The following LRRC7 variants were observed in gnomAD, a reference collection of about 807,000 sequenced individuals.
The protein encoded by LRRC7 is leucine rich repeat containing 7.
A neutral mutation model predicts 175.7 loss-of-function variants in LRRC7; 23 were observed. That is an observed-to-expected ratio of 0.13 (90% CI 0.09 to 0.19). The LOEUF (loss-of-function observed/expected upper bound fraction) is 0.19, where lower values mean the gene tolerates loss of function less well. Among genes scored for constraint, LRRC7 ranks in the 10% least tolerant of loss-of-function variants. The pLI, the probability that LRRC7 is intolerant of heterozygous loss-of-function variation, is 1.00. For missense variants in LRRC7, 1,354 were observed against 1,904.7 expected (o/e 0.71, Z 5.38); for synonymous variants, 685 against 680.9 (o/e 1.01, Z -0.09).
At chr1:69,850,173 A>C (rs1428749581) in intron 7 of LRRC7, among the ~76,000 whole-genome samples, 1 of 152,042 alleles carries the variant, frequency 6.6e-6, no homozygotes, top group East Asian at 1.9e-4. Flanking sequence ...ATGAAGTTGT[A>C]AAGAAAGAGA....
chr1:69,662,257 T>C (rs968302865), intron 1 of LRRC7, among the ~76,000 whole-genome samples: 1 of 148,194 alleles, frequency 6.7e-6, no homozygotes, highest in African/African-American at 2.4e-5. Flanking sequence ...CTAAAACCAT[T>C]CATTCAATCA....
At chr1:69,869,505 A>T (rs149675236) in intron 7 of LRRC7, among the ~76,000 whole-genome samples, 543 of 152,278 alleles carry the variant, frequency 3.6e-3, no homozygotes, top group Non-Finnish European at 4.9e-3. Flanking sequence ...AGTTAGATAG[A>T]GGACTCTGAA....
chr1:69,852,556 A>G (rs1570330037), intron 7 of LRRC7, among the ~76,000 whole-genome samples: 1 of 152,136 alleles, frequency 6.6e-6, no homozygotes, highest in East Asian at 1.9e-4. Flanking sequence ...ATCCATCACT[A>G]TCCTTGGCAA....
chr1:69,873,365 TTC>T, intron 7 of LRRC7: 1 of 510,706 alleles, frequency 2.0e-6, no homozygotes, highest in Non-Finnish European at 4.1e-6. Flanking sequence ...CAAGTAAACT[TTC>T]TACCTCCCTG....
intron 1 of LRRC7, among the ~76,000 whole-genome samples, chr1:69,600,924 G>C (rs1001483759): frequency 7.1e-6 from 1 of 140,374 alleles, no homozygotes; most frequent in Non-Finnish European, 1.5e-5. Flanking sequence ...CTATTCCCCT[G>C]CCTCAACCTC....
At chr1:69,823,649 C>T (rs115298934) in intron 4 of LRRC7, among the ~76,000 whole-genome samples, 2,992 of 152,166 alleles carry the variant, frequency 0.02, 95 homozygotes, top group African/African-American at 0.069. Context: ...CCTGTGTTCT[C>T]TAAGGTAGAT....
chr1:70,144,317 T>TAA lies in LRRC7; in HGVS notation c.*22433_*22434dup, dbSNP rs1274094604. 6.6e-6 allele frequency: 1 copy of TAA among 152,174 alleles called. No homozygotes were observed. Among genetic ancestry groups the TAA allele is most frequent in the African/African-American group, 2.4e-5 (1 of 41,458 alleles). 9.4% of individuals were successfully genotyped at this position (152,174 alleles called of 1,614,324 possible). ...ATTTAAAAAAGTGTTTTGAATAACA[T>TAA]AAAAGTCTCCTTATTGTATAAATAA... On this transcript the variant is annotated 3_prime_UTR_variant, in exon 27 of 27. Coordinates refer to ENST00000651989, the MANE Select transcript of LRRC7 (RefSeq NM_001370785.2).
At chr1:69,877,003 A>G (rs958728420) in intron 7 of LRRC7, among the ~76,000 whole-genome samples, 3 of 152,124 alleles carry the variant, frequency 2.0e-5, no homozygotes, top group Non-Finnish European at 4.4e-5. Context: ...CAAACCATAA[A>G]TTGGAATTTT....
intron 2 of LRRC7, among the ~76,000 whole-genome samples, chr1:69,707,450 G>A (rs537211997): frequency 1.1e-4 from 16 of 152,104 alleles, no homozygotes; most frequent in African/African-American, 2.9e-4. Flanking sequence ...GCTTTATTAC[G>A]CGCCAATTTC....
intron 3 of LRRC7, among the ~76,000 whole-genome samples, chr1:69,786,811 A>T (rs928663290): frequency 6.6e-6 from 1 of 152,154 alleles, no homozygotes; most frequent in African/African-American, 2.4e-5. Context: ...TTGGGTGGGG[A>T]TACAGCCAAA....
intron 7 of LRRC7, among the ~76,000 whole-genome samples, chr1:69,844,072 T>G (rs553174265): frequency 6.6e-6 from 1 of 152,300 alleles, no homozygotes; most frequent in South Asian, 2.1e-4. Flanking sequence ...CGGTTTACTC[T>G]CAAGTAATTC....
chr1:70,047,921 T>C (rs950024042), intron 22 of LRRC7, among the ~76,000 whole-genome samples: 3 of 152,130 alleles, frequency 2.0e-5, no homozygotes, highest in Admixed American at 6.6e-5. Context: ...ATTTAGAACA[T>C]ATAAATCTTT....
At chr1:69,905,418 C>T (rs1040506543) in intron 7 of LRRC7, among the ~76,000 whole-genome samples, 3 of 152,078 alleles carry the variant, frequency 2.0e-5, no homozygotes, top group Non-Finnish European at 2.9e-5. Context: ...TCCCACCACC[C>T]CACAACAGTC....
intron 10 of LRRC7, among the ~76,000 whole-genome samples, chr1:69,991,992 C>G (rs1004653989): frequency 6.6e-6 from 1 of 152,050 alleles, no homozygotes; most frequent in Non-Finnish European, 1.5e-5. Context: ...AATAATTTAT[C>G]TTACTCACTT....
At chr1:69,626,628 A>G (rs998301244) in intron 1 of LRRC7, among the ~76,000 whole-genome samples, 4 of 151,930 alleles carry the variant, frequency 2.6e-5, no homozygotes, top group African/African-American at 9.7e-5. Flanking sequence ...GGTTTGTTAC[A>G]TACATATACA....
At chr1:69,734,073 T>C (rs1188545939) in intron 2 of LRRC7, among the ~76,000 whole-genome samples, 1 of 152,008 alleles carries the variant, frequency 6.6e-6, no homozygotes, top group Non-Finnish European at 1.5e-5. Context: ...GTTGGGAGTG[T>C]CACATATATT....
chr1:69,687,520 C>CAAAAAAAAAAAAAAAAAAAAAA (rs551726376), intron 2 of LRRC7, among the ~76,000 whole-genome samples: 12 of 96,880 alleles, frequency 1.2e-4, no homozygotes, highest in African/African-American at 2.0e-4. Flanking sequence ...AAGAAAAAAC[C>CAAAAAAAAAAAAAAAAAAAAAA]AAAAAAAAAA....
At chr1:69,652,358 A>G (rs972487860) in intron 1 of LRRC7, among the ~76,000 whole-genome samples, 1 of 152,184 alleles carries the variant, frequency 6.6e-6, no homozygotes, top group African/African-American at 2.4e-5. Context: ...TGAATAATTC[A>G]AAAAGGAAAT....
chr1:69,892,390 T>C (rs1307899866), intron 7 of LRRC7, among the ~76,000 whole-genome samples: 1 of 152,178 alleles, frequency 6.6e-6, no homozygotes, highest in African/African-American at 2.4e-5. Flanking sequence ...ACACAGTTGG[T>C]ACTCAAGGCA....
Sources: gnomAD v4.1 joint callset for allele counts (sites outside exome capture counted in the v4.1 genomes callset) on GRCh38, gnomAD v4.1.1 for gene constraint, MANE v1.5 for transcripts, NCBI Gene and HGNC (gene_info 2026-07-23, HGNC 2026-07-21) for gene names.